Variants in DOCK10 observed in about 807,000 individuals in gnomAD.
DOCK10 encodes the protein dedicator of cytokinesis protein 10.
DOCK10 carries 145 observed loss-of-function variants against 280.1 expected under a neutral mutation model. The observed-to-expected ratio is 0.52, with a 90% CI of 0.45 to 0.59. The LOEUF is 0.59. Ranked by LOEUF, DOCK10 falls within the 20% of genes least tolerant of loss-of-function variation. The pLI is 0.00. For synonymous variants in DOCK10, 915 were observed against 942.2 expected (o/e 0.97, Z 0.53); for missense variants, 2,368 against 2,651.7 (o/e 0.89, Z 2.35).
intron 4 of DOCK10, among the ~76,000 whole-genome samples, chr2:224,895,813 T>TTG (rs1300628923): frequency 8.2e-4 from 95 of 115,370 alleles, no homozygotes; most frequent in East Asian, 3.4e-3. Flanking sequence ...TTCCTTTTGG[T>TTG]TGTGTGTGTG....
Position 224,856,948 on chromosome 2 carries a change from T to C in DOCK10, c.1720A>G (p.Arg574Gly), listed in dbSNP as rs1252733944. 1 of 1,612,152 alleles carries C rather than the reference T, an allele frequency of 6.2e-7. No individual in the cohort carries two copies. Among genetic ancestry groups the C allele is most frequent in the Non-Finnish European group, 8.5e-7 (1 of 1,178,794 alleles). The change falls in exon 15 of 56, where the codon AGA becomes GGA. Residue 574 changes from arginine (R) to glycine (G), a missense_variant. Arg to Gly is a moderately radical substitution (Grantham distance 125, BLOSUM62 -2). Transcript: ENST00000258390. ...AACAATGGTGAAAATCTTGAGTCTC[T>C]GTCCACATTTCCCTGGTTGTCCTTA... ...VFKDNQGNVD[R>G]DSRFSPLFRQ...
intron 1 of DOCK10, among the ~76,000 whole-genome samples, chr2:224,984,423 T>C (rs1705904969): frequency 6.6e-6 from 1 of 152,232 alleles, no homozygotes; most frequent in South Asian, 2.1e-4. Flanking sequence ...AGATGCTTTC[T>C]AGCTATTACA....
intron 1 of DOCK10, chr2:224,983,565 A>C (rs1165967570): frequency 1.3e-5 from 4 of 299,210 alleles, no homozygotes; most frequent in Non-Finnish European, 2.0e-5. Flanking sequence ...TGCTGCAGGA[A>C]GTTTGAGGAA....
At chr2:224,787,587 A>G (rs886697243) in intron 48 of DOCK10, among the ~76,000 whole-genome samples, 190 bp from the exon 49 acceptor site, 6 of 152,130 alleles carry the variant, frequency 3.9e-5, no homozygotes, top group Non-Finnish European at 7.4e-5. Context: ...TTCGTGCCCC[A>G]AAAGTGCTAA....
intron 27 of DOCK10, among the ~76,000 whole-genome samples, chr2:224,824,440 T>TTTC (rs1694714170): frequency 6.8e-6 from 1 of 146,412 alleles, no homozygotes; most frequent in African/African-American, 2.6e-5. Context: ...TTTTTTTTTT[T>TTTC]TTTTTTTTTT....
At chr2:224,862,783 G>A (rs1257383813) in intron 13 of DOCK10, 37 bp from the exon 14 acceptor site, 2 of 1,294,922 alleles carry the variant, frequency 1.5e-6, no homozygotes, top group South Asian at 1.3e-5. Context: ...GTTTAGAATA[G>A]CACTTTATAA....
intron 50 of DOCK10, among the ~76,000 whole-genome samples, chr2:224,784,448 C>T (rs1691590440): frequency 6.6e-6 from 1 of 152,208 alleles, no homozygotes; most frequent in South Asian, 2.1e-4. Flanking sequence ...CCATACTTAT[C>T]TCTGTGTGTG....
At chr2:224,882,060 C>A (rs1699009636) in intron 7 of DOCK10, among the ~76,000 whole-genome samples, 1 of 152,222 alleles carries the variant, frequency 6.6e-6, no homozygotes, top group African/African-American at 2.4e-5. Flanking sequence ...TTGTCCACCA[C>A]ACTGTCCACA....
Position 224,773,333 on chromosome 2 carries a change from G to T in DOCK10, c.6028C>A (p.Pro2010Thr). Reference sequence around the variant, plus strand: ...ACTTGTATTCTCTTCTTCACGTAGGGGAACAGGTGACTCGCTGTACAAAAG... The same window carrying T: ...ACTTGTATTCTCTTCTTCACGTAGGTGAACAGGTGACTCGCTGTACAAAAG... Reference protein sequence around the residue: ...RTILTTSHLFPYVKKRIQVIS... With the variant: ...RTILTTSHLFTYVKKRIQVIS... Residue 2010 changes from proline to threonine, a missense_variant, in exon 53 of 56, where the codon CCC becomes ACC. Coordinates refer to ENST00000258390, the MANE Select transcript of DOCK10 (RefSeq NM_014689.3). 6.2e-7 allele frequency: 1 copy of T among 1,611,438 alleles called. No individual in the cohort carries two copies. Among genetic ancestry groups the T allele is most frequent in the Non-Finnish European group, 8.5e-7 (1 of 1,178,800 alleles).
chr2:224,888,449 TATAC>T (rs1157909788), intron 4 of DOCK10, among the ~76,000 whole-genome samples: 1 of 152,078 alleles, frequency 6.6e-6, no homozygotes, highest in Non-Finnish European at 1.5e-5. Context: ...TGTGTGTGAA[TATAC>T]ATGCATGTAT....
At chr2:224,822,353 C>T (rs566284713) in intron 28 of DOCK10, among the ~76,000 whole-genome samples, 4 of 152,108 alleles carry the variant, frequency 2.6e-5, no homozygotes, top group Non-Finnish European at 5.9e-5. Flanking sequence ...AACTAATTTC[C>T]ATACATATCC....
intron 1 of DOCK10, among the ~76,000 whole-genome samples, chr2:224,999,436 TGCTA>T: frequency 6.6e-6 from 1 of 152,056 alleles, no homozygotes; most frequent in Non-Finnish European, 1.5e-5. Flanking sequence ...GATATTAATA[TGCTA>T]GCTTTCTTCC....
chr2:224,837,818 T>C lies in DOCK10; in HGVS notation c.2794A>G (p.Ile932Val), dbSNP rs534192082. The C allele has an allele frequency of 2.0e-5, 33 of 1,613,884 alleles. No individual in the cohort carries two copies. The East Asian group carries it at 7.4e-4, about 36-fold the overall frequency. ...TTTVTRVLTD[I>V]VAKCHEEQLD... ...TGCTCCTCATGGCACTTGGCCACAA[T>C]GTCGGTCAGAACCCTGCAAAAGCAA... The change falls in exon 25 of 56, where the codon ATT (isoleucine) becomes GTT (valine). Residue 932 changes from isoleucine (I) to valine (V), a missense_variant. By Grantham distance (29) the Ile-to-Val change is conservative. Around this residue, in one of 2 missense-constraint regions of DOCK10, gnomAD observed 1,209 missense variants for 1,250.9 expected, o/e 0.97. Transcript: ENST00000258390.
At chr2:224,961,440 TTCTTTC>T (rs1704418342) in intron 1 of DOCK10, among the ~76,000 whole-genome samples, 1 of 130,390 alleles carries the variant, frequency 7.7e-6, no homozygotes, top group African/African-American at 2.8e-5. Flanking sequence ...CTTTCTTTCT[TTCTTTC>T]TTTCTTTCTT....
Position 224,874,654 on chromosome 2 carries a change from C to G in DOCK10, c.1017+12G>C, listed in dbSNP as rs1315728703. ...CAAATTGGTTTTGCAAGTACAATGC[C>G]AACTTTATTACCTTTGCAAAGTCTG... On this transcript the variant is annotated intron_variant, in intron 9 of 55. Coordinates refer to ENST00000258390, the MANE Select transcript of DOCK10 (RefSeq NM_014689.3). The G allele has an allele frequency of 1.2e-6, 2 of 1,612,308 alleles. No homozygotes were observed. The highest frequency in any genetic ancestry group is 4.5e-5 in the East Asian group (2 of 44,864).
intron 47 of DOCK10, among the ~76,000 whole-genome samples, chr2:224,792,162 G>T (rs1692240489): frequency 6.6e-6 from 1 of 151,986 alleles, no homozygotes; most frequent in South Asian, 2.1e-4. Context: ...TATTTCTAAA[G>T]GAAATCTGTA....
In DOCK10 at chr2:224,804,843, TAGAA is replaced by T. The variant is rs1693278622; in HGVS notation, c.4119-6_4119-3del. The T allele has an allele frequency of 2.0e-6, 3 of 1,508,420 alleles. No individual in the cohort carries two copies. The African/African-American group carries it at 4.2e-5, about 21-fold the overall frequency. 93.4% of individuals were successfully genotyped at this position (1,508,420 alleles called of 1,614,324 possible). On this transcript the variant is annotated splice_polypyrimidine_tract_variant and splice_region_variant and intron_variant, in intron 37 of 55. Coordinates refer to ENST00000258390, the MANE Select transcript of DOCK10 (RefSeq NM_014689.3). The stretch of plus-strand genomic sequence containing the variant: ...TATCTGAAATTTTGAAGACAAACGC[TAGAA>T]AGGAGAAAAAAACCACATTTTAATT...
intron 1 of DOCK10, among the ~76,000 whole-genome samples, chr2:224,951,750 A>G (rs535409054): frequency 6.6e-6 from 1 of 152,294 alleles, no homozygotes; most frequent in South Asian, 2.1e-4. Flanking sequence ...CCTAAGTGTC[A>G]ACAGGGTGGT....
intron 1 of DOCK10, among the ~76,000 whole-genome samples, chr2:224,948,099 G>T (rs1703530216): frequency 6.6e-6 from 1 of 152,072 alleles, no homozygotes; most frequent in Non-Finnish European, 1.5e-5. Flanking sequence ...ATATTTGGAG[G>T]CCACAGGACT....
Sources: gnomAD v4.1 joint callset for allele counts (sites outside exome capture counted in the v4.1 genomes callset) on GRCh38, gnomAD v4.1.1 for gene constraint, gnomAD v4.1.1 regional missense constraint, MANE v1.5 for transcripts, NCBI Gene and HGNC (gene_info 2026-07-23, HGNC 2026-07-21) for gene names.